Variants in CDH13 observed in about 807,000 individuals in gnomAD.
The protein encoded by CDH13 is cadherin 13, also known as cadherin-13.
Under a neutral mutation model 63.8 loss-of-function variants are expected in CDH13, and 24 were observed. The ratio of observed to expected loss-of-function variants is 0.38; its 90% CI spans 0.27 to 0.53. The LOEUF (loss-of-function observed/expected upper bound fraction) is 0.53, where lower values mean the gene tolerates loss of function less well. Ranked by LOEUF, CDH13 falls within the 20% of genes least tolerant of loss-of-function variation. The pLI is 0.85. For missense variants in CDH13, 1,049 were observed against 903.1 expected (o/e 1.16, Z -2.07); for synonymous variants, 503 against 355.3 (o/e 1.42, Z -4.67).
intron 2 of CDH13, among the ~76,000 whole-genome samples, chr16:82,935,836 G>A (rs573107867): frequency 6.6e-6 from 1 of 152,264 alleles, no homozygotes; most frequent in East Asian, 1.9e-4. Flanking sequence ...TTTAGGAGTG[G>A]AGGTTTAACA....
At chr16:83,558,203 C>T (rs1334640587) in intron 7 of CDH13, among the ~76,000 whole-genome samples, 2 of 152,008 alleles carry the variant, frequency 1.3e-5, no homozygotes, top group Non-Finnish European at 2.9e-5. Flanking sequence ...TTCTGCAAGC[C>T]CTGAAGATTT....
At chr16:83,227,309 C>T (rs1241237877) in intron 5 of CDH13, among the ~76,000 whole-genome samples, 3 of 152,174 alleles carry the variant, frequency 2.0e-5, no homozygotes, top group Admixed American at 2.0e-4. Flanking sequence ...GGTGACATCT[C>T]CCGCAGTGGT....
chr16:83,590,758 G>C (rs965823445), intron 7 of CDH13, among the ~76,000 whole-genome samples: 1 of 152,094 alleles, frequency 6.6e-6, no homozygotes, highest in Non-Finnish European at 1.5e-5. Context: ...AATGCTAACC[G>C]AAGTGTGCCC....
chr16:83,004,196 T>A (rs527828239), intron 2 of CDH13, among the ~76,000 whole-genome samples: 39 of 152,288 alleles, frequency 2.6e-4, no homozygotes, highest in African/African-American at 9.1e-4. Flanking sequence ...CGTGAGTATC[T>A]GTGTTCCCTT....
In CDH13 at chr16:83,394,248, T is replaced by TA. The variant is rs869050861; in HGVS notation, c.781+49254dup. On this transcript the variant is annotated intron_variant, in intron 6 of 13. Coordinates refer to ENST00000567109, the MANE Select transcript of CDH13 (RefSeq NM_001257.5). Reference sequence around the variant, plus strand: ...CATGTACCCCTGAACCTAAAAGTTTTAAAAAAAAAAAACAAAAAAGAGTGA... The same window carrying TA: ...CATGTACCCCTGAACCTAAAAGTTTTAAAAAAAAAAAAACAAAAAAGAGTGA... 4.1e-3 allele frequency among the ~76,000 whole-genome samples: 617 copies of TA among 150,432 alleles called. 2 individuals carry two copies. The highest frequency in any genetic ancestry group is 0.014 in the African/African-American group (571 of 40,704).
At chr16:83,783,947 G>GT (rs796435948) in intron 13 of CDH13, among the ~76,000 whole-genome samples, 1 of 152,156 alleles carries the variant, frequency 6.6e-6, no homozygotes, top group Non-Finnish European at 1.5e-5. Context: ...AATTTACACT[G>GT]TTTTTTCACT....
intron 5 of CDH13, among the ~76,000 whole-genome samples, chr16:83,298,343 T>C (rs1191728469): frequency 6.6e-6 from 1 of 152,158 alleles, no homozygotes; most frequent in Non-Finnish European, 1.5e-5. Context: ...ATTATTTTTC[T>C]TAGAATGAAA....
chr16:83,733,557 T>C (rs566550562), intron 10 of CDH13, among the ~76,000 whole-genome samples: 34 of 152,304 alleles, frequency 2.2e-4, no homozygotes, highest in African/African-American at 8.2e-4. Context: ...GGCTCAGCCA[T>C]CTATCTCACT....
At chr16:82,748,569 C>G (rs1406879064) in intron 1 of CDH13, among the ~76,000 whole-genome samples, 1 of 151,852 alleles carries the variant, frequency 6.6e-6, no homozygotes, top group Admixed American at 6.6e-5. Flanking sequence ...GGATTGTGAC[C>G]TCAGTTTGAG....
At chr16:83,438,131 A>G (rs930166241) in intron 6 of CDH13, among the ~76,000 whole-genome samples, 3 of 152,232 alleles carry the variant, frequency 2.0e-5, no homozygotes, top group Non-Finnish European at 2.9e-5. Flanking sequence ...AGCAGTGTGC[A>G]TCGAAATCGC....
rs1201177455 is a variant in CDH13 at position 82,743,742 on chromosome 16, T to C, written c.46-114620T>C. Among the ~76,000 whole-genome samples the C allele has an allele frequency of 5.9e-5, 9 of 152,338 alleles. No individual in the cohort carries two copies. The East Asian group carries it at 1.5e-3, about 26-fold the overall frequency. On this transcript the variant is annotated intron_variant, in intron 1 of 13. Transcript: ENST00000567109. ...CTTGTCCCCCACTGTTAATGTTTTC[T>C]CACATTCCTGTCCAGAGATAGTTCT... is the stretch of plus-strand genomic sequence containing the variant.
At chr16:82,741,643 T>A (rs1016362073) in intron 1 of CDH13, among the ~76,000 whole-genome samples, 9 of 152,142 alleles carry the variant, frequency 5.9e-5, no homozygotes, top group African/African-American at 1.9e-4. Context: ...AAGGAGATTT[T>A]AAAAATAAGC....
At chr16:83,719,536 C>A (rs1391898007) in intron 10 of CDH13, among the ~76,000 whole-genome samples, 1 of 152,148 alleles carries the variant, frequency 6.6e-6, no homozygotes, top group African/African-American at 2.4e-5. Flanking sequence ...TCCAGCACAA[C>A]AACTAGATTA....
chr16:82,706,532 G>C (rs145406350), intron 1 of CDH13, among the ~76,000 whole-genome samples: 8 of 151,952 alleles, frequency 5.3e-5, no homozygotes, highest in African/African-American at 1.9e-4. Context: ...ACAGTTCTCT[G>C]TAATGTTCAG....
intron 4 of CDH13, among the ~76,000 whole-genome samples, chr16:83,126,112 G>C (rs912295882): frequency 6.6e-6 from 1 of 152,204 alleles, no homozygotes; most frequent in Non-Finnish European, 1.5e-5. Context: ...CAAATTTTGA[G>C]CAGTTTGTAC....
At chr16:83,064,526 A>G (rs2031843218) in intron 3 of CDH13, among the ~76,000 whole-genome samples, 2 of 152,200 alleles carry the variant, frequency 1.3e-5, no homozygotes, top group Non-Finnish European at 2.9e-5. Context: ...TAATATTAGC[A>G]ATATCTTCTT....
intron 4 of CDH13, among the ~76,000 whole-genome samples, chr16:83,175,380 G>A (rs1267150997): frequency 6.6e-6 from 1 of 152,136 alleles, no homozygotes; most frequent in African/African-American, 2.4e-5. Context: ...TAGCCCACTG[G>A]TGAAGACAGA....
chr16:83,179,372 G>C (rs899562839), intron 4 of CDH13, among the ~76,000 whole-genome samples: 6 of 151,666 alleles, frequency 4.0e-5, no homozygotes, highest in African/African-American at 1.5e-4. Flanking sequence ...GGATGGGCGC[G>C]GTGGCTCACG....
intron 7 of CDH13, among the ~76,000 whole-genome samples, chr16:83,548,140 G>A (rs1178933516): frequency 6.6e-6 from 1 of 152,126 alleles, no homozygotes; most frequent in Non-Finnish European, 1.5e-5. Context: ...CCAGGTGGGA[G>A]AGAATGGTCA....
Sources: allele counts gnomAD v4.1 joint callset (sites outside exome capture counted in the v4.1 genomes callset), GRCh38; gene constraint gnomAD v4.1.1; transcripts MANE v1.5; gene names NCBI Gene and HGNC (gene_info 2026-07-23, HGNC 2026-07-21).